PLXNA4: variants seen among roughly 807,000 people sequenced by gnomAD.
PLXNA4 encodes the protein plexin A4.
PLXNA4 carries 44 observed loss-of-function variants against 191.8 expected under a neutral mutation model. That is an observed-to-expected ratio of 0.23 (90% confidence interval 0.18 to 0.29). The LOEUF (loss-of-function observed/expected upper bound fraction) is 0.29, where lower values mean the gene tolerates loss of function less well. Ranked by LOEUF, PLXNA4 falls within the 10% of genes least tolerant of loss-of-function variation. The pLI is 1.00. For synonymous variants in PLXNA4, 1,082 were observed against 1,009.5 expected, an observed-to-expected ratio of 1.07 and a Z score of -1.36; for missense variants, 1,800 against 2,488.8, an observed-to-expected ratio of 0.72 and a Z score of 5.89.
intron 1 of PLXNA4, among the ~76,000 whole-genome samples, chr7:132,521,447 A>G (rs768927060): frequency 9.2e-5 from 14 of 152,292 alleles, no homozygotes; most frequent in Non-Finnish European, 1.9e-4. Flanking sequence ...CTTACTCCCA[A>G]GAATTAACAC....
At chr7:132,154,082 A>C (rs1795722970) in intron 25 of PLXNA4, among the ~76,000 whole-genome samples, 1 of 152,046 alleles carries the variant, frequency 6.6e-6, no homozygotes, top group South Asian at 2.1e-4. Context: ...CACCCCTGCC[A>C]CCTTTTCTTA....
intron 3 of PLXNA4, among the ~76,000 whole-genome samples, chr7:132,302,790 G>A (rs1048180389): frequency 1.3e-5 from 2 of 152,092 alleles, no homozygotes; most frequent in African/African-American, 4.8e-5. Flanking sequence ...ACACTGACCA[G>A]TGGCCATGGT....
intron 4 of PLXNA4, among the ~76,000 whole-genome samples, chr7:132,297,382 G>T (rs150229880): frequency 6.6e-6 from 1 of 152,164 alleles, no homozygotes; most frequent in Admixed American, 6.5e-5. Flanking sequence ...GATGTCCAAG[G>T]TGAAACCCCT....
intron 2 of PLXNA4, among the ~76,000 whole-genome samples, chr7:132,596,124 C>A (rs912761049): frequency 6.6e-6 from 1 of 152,142 alleles, no homozygotes; most frequent in Non-Finnish European, 1.5e-5. Flanking sequence ...AGTCCTCCAA[C>A]TTTTTTCTTT....
chr7:132,573,387 C>T (rs1252006027), intron 1 of PLXNA4, among the ~76,000 whole-genome samples: 1 of 152,076 alleles, frequency 6.6e-6, no homozygotes, highest in Admixed American at 6.5e-5. Context: ...GAAATGCCCC[C>T]TAGCTGGCTA....
intron 4 of PLXNA4, among the ~76,000 whole-genome samples, chr7:132,288,152 ACT>A (rs1800752990): frequency 6.6e-6 from 1 of 152,138 alleles, no homozygotes; most frequent in Non-Finnish European, 1.5e-5. Context: ...ACTGCTGGTG[ACT>A]CTGGATGACC....
chr7:132,205,137 T>G (rs976051614), intron 10 of PLXNA4, among the ~76,000 whole-genome samples: 1 of 152,196 alleles, frequency 6.6e-6, no homozygotes, highest in Admixed American at 6.5e-5. Context: ...GAAACTTTGA[T>G]CATCATAGAA....
chr7:132,350,260 T>C (rs1803427248), intron 3 of PLXNA4, among the ~76,000 whole-genome samples: 1 of 152,134 alleles, frequency 6.6e-6, no homozygotes, highest in African/African-American at 2.4e-5. Context: ...TCCCAGCACT[T>C]TGGGATGCTG....
At chr7:132,504,626 T>C (rs715391) in intron 2 of PLXNA4, among the ~76,000 whole-genome samples, 3,115 of 152,296 alleles carry the variant, frequency 0.02, 77 homozygotes, top group African/African-American at 0.057. Flanking sequence ...CCCTACAAAA[T>C]ACAAGTCCTA....
rs1400920014 is a variant in PLXNA4 at position 132,223,584 on chromosome 7, G to A, written c.2040C>T (p.Val680=). ...YRCHWCKYRH[V]CTHDPKTCSF... Reference sequence around the variant, plus strand: ...AGCAGGTCTTGGGGTCATGGGTGCAGACATGCCGGTATTTACACCAGTGGC... The same window carrying A: ...AGCAGGTCTTGGGGTCATGGGTGCAAACATGCCGGTATTTACACCAGTGGC... Residue 680 remains valine (V), a synonymous_variant, in exon 9 of 32, where the codon GTC becomes GTT. Coordinates refer to ENST00000321063, the MANE Select transcript of PLXNA4 (RefSeq NM_020911.2). 8 of 1,613,774 alleles carry A rather than the reference G, an allele frequency of 5.0e-6. No individual in the cohort carries two copies. The highest frequency in any genetic ancestry group is 2.7e-5 in the African/African-American group (2 of 74,898).
intron 3 of PLXNA4, among the ~76,000 whole-genome samples, chr7:132,364,862 A>C (rs1804092418): frequency 1.3e-5 from 2 of 152,196 alleles, no homozygotes; most frequent in African/African-American, 4.8e-5. Context: ...TACATCGCTT[A>C]ATCCTCATAT....
intron 3 of PLXNA4, among the ~76,000 whole-genome samples, chr7:132,317,427 G>A (rs1801988919): frequency 6.6e-6 from 1 of 152,092 alleles, no homozygotes. Flanking sequence ...ATTGGATTGG[G>A]TTGTGTTGGA....
intron 3 of PLXNA4, among the ~76,000 whole-genome samples, chr7:132,305,406 A>ACACACACT (rs1491312866): frequency 8.6e-5 from 12 of 140,070 alleles, no homozygotes; most frequent in African/African-American, 3.3e-4. Flanking sequence ...ACACACACAC[A>ACACACACT]CTCTACTCTG....
Position 132,179,775 on chromosome 7 carries a change from G to C in PLXNA4, c.3786C>G (p.Arg1262=). 6.2e-7 allele frequency: 1 copy of C among 1,614,068 alleles called. No homozygotes were observed. The highest frequency in any genetic ancestry group is 8.5e-7 in the Non-Finnish European group (1 of 1,180,032). ...FIVAVLIAYK[R]KSRESDLTLK... ...GCGTGAGGTCACTTTCGCGGGACTT[G>C]CGTTTATAGGCAATGAGCACGGCCA... Residue 1262 remains arginine, a synonymous_variant, in exon 20 of 32, where the codon CGC becomes CGG. Coordinates refer to ENST00000321063, the MANE Select transcript of PLXNA4 (RefSeq NM_020911.2).
chr7:132,279,521 G>A (rs1426326135), intron 4 of PLXNA4, among the ~76,000 whole-genome samples: 1 of 152,084 alleles, frequency 6.6e-6, no homozygotes, highest in Non-Finnish European at 1.5e-5. Context: ...GTAGTTCTCA[G>A]CTACTTGGCA....
rs868830853 is a variant in PLXNA4 at position 132,194,031 on chromosome 7, C to A, written c.2856+31G>T. 22 of 1,600,978 alleles carry A rather than the reference C, an allele frequency of 1.4e-5. No individual in the cohort carries two copies. The Middle Eastern group carries it at 2.3e-3, about 170-fold the overall frequency. ...ATGGTAATGAGCTCTGTGGCCTGCACCCAGCCAGATCACTGCTGGCCAAGA... is the reference window on the plus strand; with the variant it reads ...ATGGTAATGAGCTCTGTGGCCTGCAACCAGCCAGATCACTGCTGGCCAAGA... On this transcript the variant is annotated intron_variant, in intron 14 of 31. Transcript: ENST00000321063.
chr7:132,152,995 A>T (rs73497371), intron 25 of PLXNA4, among the ~76,000 whole-genome samples: 3,444 of 152,344 alleles, frequency 0.023, 48 homozygotes, highest in Non-Finnish European at 0.035. Flanking sequence ...CCAACTGGGC[A>T]TGAGAGGTAG....
At chr7:132,310,262 C>G (rs991963301) in intron 3 of PLXNA4, among the ~76,000 whole-genome samples, 3 of 152,228 alleles carry the variant, frequency 2.0e-5, no homozygotes. Flanking sequence ...CTGATACATG[C>G]AATATACATA....
chr7:132,420,125 C>T (rs1020152505), intron 3 of PLXNA4, among the ~76,000 whole-genome samples: 3 of 152,192 alleles, frequency 2.0e-5, no homozygotes, highest in Non-Finnish European at 4.4e-5. Flanking sequence ...TCCCCACCAA[C>T]CTCTTCCACA....
Sources: gnomAD v4.1 joint callset for allele counts (sites outside exome capture counted in the v4.1 genomes callset) on GRCh38, gnomAD v4.1.1 for gene constraint, MANE v1.5 for transcripts, NCBI Gene and HGNC (gene_info 2026-07-23, HGNC 2026-07-21) for gene names.